PRKX: variants seen among roughly 807,000 people sequenced by gnomAD.
PRKX encodes the protein protein kinase cAMP-dependent X-linked catalytic subunit.
A neutral mutation model predicts 22.0 loss-of-function variants in PRKX; 12 were observed. The ratio of observed to expected loss-of-function variants is 0.54; its 90% CI spans 0.35 to 0.88. The LOEUF is 0.88. PRKX is among the 40% of genes least tolerant of loss of function. The pLI is 0.01. For missense variants in PRKX, 217 were observed against 308.0 expected (o/e 0.70, Z 2.21); for synonymous variants, 134 against 137.7 (o/e 0.97, Z 0.19).
At chrX:3,626,644 C>T in intron 4 of PRKX, 130 bp from the exon 5 acceptor site, 1 of 545,995 alleles carries the variant, frequency 1.8e-6, no homozygotes, top group Non-Finnish European at 3.1e-6. Flanking sequence ...TCCCCGCACA[C>T]TGAAGTTGTC....
At chrX:3,642,857 G>T (rs1162743330) in intron 3 of PRKX, among the ~76,000 whole-genome samples, 1 of 107,445 alleles carries the variant, frequency 9.3e-6, no homozygotes, top group Non-Finnish European at 1.9e-5. Flanking sequence ...AATTAGCCAG[G>T]CATGGTGATG....
At chrX:3,705,484 G>A (rs1288608344) in intron 1 of PRKX, among the ~76,000 whole-genome samples, 1 of 110,968 alleles carries the variant, frequency 9.0e-6, no homozygotes, top group African/African-American at 3.3e-5. Context: ...AGAGGACCAC[G>A]GGGAGGCCAC....
intron 1 of PRKX, among the ~76,000 whole-genome samples, chrX:3,706,999 C>T (rs904099521): frequency 1.8e-5 from 2 of 111,392 alleles, no homozygotes. Flanking sequence ...TGGTGGTGCA[C>T]GTCTGCAGTC....
chrX:3,622,686 T>C (rs1926581961), intron 5 of PRKX, among the ~76,000 whole-genome samples: 1 of 112,028 alleles, frequency 8.9e-6, no homozygotes, highest in Non-Finnish European at 1.9e-5. Context: ...AGAGACCATC[T>C]GTCCGCCCAC....
chrX:3,706,372 A>G (rs1928685668), intron 1 of PRKX, among the ~76,000 whole-genome samples: 1 of 110,636 alleles, frequency 9.0e-6, no homozygotes, highest in Admixed American at 9.6e-5. Context: ...TTTTTTTTGT[A>G]GCGATGGGGT....
At chrX:3,700,801 G>C (rs1202830359) in intron 1 of PRKX, among the ~76,000 whole-genome samples, 2 of 110,058 alleles carry the variant, frequency 1.8e-5, no homozygotes, top group Non-Finnish European at 3.8e-5. Context: ...CCATGTTGCC[G>C]AGGCTAGAGG....
intron 6 of PRKX, among the ~76,000 whole-genome samples, 161 bp from the exon 7 acceptor site, chrX:3,616,053 C>A (rs1345734428): frequency 1.8e-5 from 2 of 111,909 alleles, no homozygotes; most frequent in Non-Finnish European, 3.8e-5. Context: ...GCCAGGAAAA[C>A]CTGCAAGCAA....
At position 3,710,784 on chromosome X, in the gene PRKX, G is replaced by C. The variant is rs369555197; in HGVS notation, c.166+2304C>G. 9.8e-5 allele frequency among the ~76,000 whole-genome samples: 11 copies of C among 111,692 alleles called. 1 individual carries two copies. The East Asian group carries it at 2.8e-3, about 29-fold the overall frequency. On this transcript the variant is annotated intron_variant, in intron 1 of 8. Transcript: ENST00000262848. The stretch of plus-strand genomic sequence containing the variant: ...CAGTACTCCTGCGGGTGCTTGTTTG[G>C]GGCCTGAGAGAATTCGGAATGAGGG...
chrX:3,682,069 G>A (rs1438047574), intron 1 of PRKX, among the ~76,000 whole-genome samples: 5 of 111,355 alleles, frequency 4.5e-5, no homozygotes, highest in Non-Finnish European at 9.4e-5. Context: ...GTCACAAAAC[G>A]GAAAAGAAAC....
chrX:3,647,773 G>A (rs34730524), intron 3 of PRKX, among the ~76,000 whole-genome samples: 32,735 of 108,279 alleles, frequency 0.3, 4,339 homozygotes, highest in East Asian at 0.6. Context: ...GTTCGGTGGT[G>A]GGAAGTCCAC....
intron 2 of PRKX, among the ~76,000 whole-genome samples, chrX:3,662,469 G>A (rs1357751557): frequency 2.7e-5 from 3 of 110,279 alleles, no homozygotes; most frequent in Non-Finnish European, 5.7e-5. Context: ...GCCAAGGTAG[G>A]TGGATCACGA....
At chrX:3,624,860 A>G (rs1926629355) in intron 5 of PRKX, among the ~76,000 whole-genome samples, 1 of 110,854 alleles carries the variant, frequency 9.0e-6, no homozygotes, top group Non-Finnish European at 1.9e-5. Flanking sequence ...ATTGGCCCCA[A>G]GCAATCCTCC....
chrX:3,616,837 T>G (rs1209311638), intron 6 of PRKX, among the ~76,000 whole-genome samples: 1 of 111,905 alleles, frequency 8.9e-6, no homozygotes, highest in Non-Finnish European at 1.9e-5. Flanking sequence ...GCTGTTGAGT[T>G]TTCCCTTCAG....
At chrX:3,614,555 T>C (rs1926378608) in intron 7 of PRKX, among the ~76,000 whole-genome samples, 2 of 111,543 alleles carry the variant, frequency 1.8e-5, no homozygotes, top group Admixed American at 9.6e-5. Context: ...TTCCCACTCA[T>C]ATGTGGGAGC....
intron 1 of PRKX, among the ~76,000 whole-genome samples, chrX:3,702,850 T>C (rs1264817016): frequency 2.7e-5 from 3 of 109,372 alleles, no homozygotes; most frequent in Non-Finnish European, 5.7e-5. Flanking sequence ...TGCGTCCCCA[T>C]GCGTGGCTGA....
At chrX:3,706,743 C>T (rs1333811729) in intron 1 of PRKX, among the ~76,000 whole-genome samples, 2 of 112,431 alleles carry the variant, frequency 1.8e-5, no homozygotes, top group Admixed American at 9.4e-5. Context: ...CCAATGTGCA[C>T]GCCCTGCTTT....
chrX:3,674,151 G>A (rs866324797), intron 2 of PRKX, among the ~76,000 whole-genome samples: 3 of 111,047 alleles, frequency 2.7e-5, no homozygotes, highest in South Asian at 3.9e-4. Flanking sequence ...GCATCTCAAC[G>A]GGGTATCTCT....
At chrX:3,665,921 T>TGGATGC (rs1555895940) in intron 2 of PRKX, among the ~76,000 whole-genome samples, 1 of 94,637 alleles carries the variant, frequency 1.1e-5, no homozygotes, top group Non-Finnish European at 2.1e-5. Flanking sequence ...GTTCTGGAGA[T>TGGATGC]GGATGGGGAT....
chrX:3,706,785 A>G (rs1306780384), intron 1 of PRKX, among the ~76,000 whole-genome samples: 4 of 111,457 alleles, frequency 3.6e-5, no homozygotes, highest in Admixed American at 9.5e-5. Context: ...TGCAGGCGAA[A>G]CCCATTGGGC....
Sources: gnomAD v4.1 joint callset for allele counts (sites outside exome capture counted in the v4.1 genomes callset) on GRCh38, gnomAD v4.1.1 for gene constraint, MANE v1.5 for transcripts, NCBI Gene and HGNC (gene_info 2026-07-23, HGNC 2026-07-21) for gene names.